Variants in MECR observed in about 807,000 individuals in gnomAD.
MECR encodes the protein mitochondrial trans-2-enoyl-CoA reductase, also known as enoyl-[acyl-carrier-protein] reductase, mitochondrial.
Under a neutral mutation model 49.1 loss-of-function variants are expected in MECR, and 37 were observed. The ratio of observed to expected loss-of-function variants is 0.75; its 90% confidence interval spans 0.58 to 0.99. The LOEUF (loss-of-function observed/expected upper bound fraction) is 0.99, where lower values mean the gene tolerates loss of function less well. MECR is among the 50% of genes least tolerant of loss of function. The pLI is 0.00. For synonymous variants in MECR, 198 were observed against 191.1 expected (o/e 1.04, Z -0.30); for missense variants, 470 against 479.6 (o/e 0.98, Z 0.19).
chr1:29,195,657 G>C (rs1673790347), intron 9 of MECR, among the ~76,000 whole-genome samples: 1 of 152,218 alleles, frequency 6.6e-6, no homozygotes, highest in African/African-American at 2.4e-5. Flanking sequence ...ACCCAGGCAG[G>C]CTGGCTCCAG....
the MECR span, among the ~76,000 whole-genome samples, chr1:29,180,042 T>C: frequency 1.8e-4 from 28 of 152,256 alleles, no homozygotes; most frequent in Admixed American, 2.6e-4. Flanking sequence ...CCTCTGATTA[T>C]AGCTGCCACT....
intron 1 of MECR, among the ~76,000 whole-genome samples, chr1:29,222,663 C>T (rs901565252): frequency 6.6e-6 from 1 of 152,196 alleles, no homozygotes; most frequent in Non-Finnish European, 1.5e-5. Flanking sequence ...GGAAGCCCAG[C>T]AGCTCTGCCA....
At chr1:29,181,553 C>T in the MECR span, 14 of 1,144,092 alleles carry the variant, frequency 1.2e-5, no homozygotes, top group Middle Eastern at 2.1e-4. Flanking sequence ...AGCCGCTCCG[C>T]GCGGACCAGG....
At chr1:29,179,848 C>G in the MECR span, among the ~76,000 whole-genome samples, 1 of 152,166 alleles carries the variant, frequency 6.6e-6, no homozygotes, top group African/African-American at 2.4e-5. Flanking sequence ...CCTCCTCCCC[C>G]AATTCATTTA....
chr1:29,208,931 C>T (rs1462758957), intron 3 of MECR, among the ~76,000 whole-genome samples: 1 of 152,198 alleles, frequency 6.6e-6, no homozygotes, highest in Admixed American at 6.5e-5. Context: ...AGAGGTGCTA[C>T]CGTCTCAGAG....
At chr1:29,214,500 T>C (rs1383103207) in intron 3 of MECR, among the ~76,000 whole-genome samples, 1 of 151,818 alleles carries the variant, frequency 6.6e-6, no homozygotes, top group Non-Finnish European at 1.5e-5. Flanking sequence ...TAGCTGTGAC[T>C]ACAGACGCAT....
intron 3 of MECR, among the ~76,000 whole-genome samples, chr1:29,215,249 C>T (rs12033768): frequency 0.12 from 17,509 of 152,154 alleles, 1,368 homozygotes; most frequent in East Asian, 0.41. Context: ...ATTTTACATC[C>T]TCCACATGAA....
the MECR span, among the ~76,000 whole-genome samples, chr1:29,181,071 G>A: frequency 3.9e-5 from 6 of 152,178 alleles, no homozygotes; most frequent in African/African-American, 1.4e-4. Context: ...TTTCAGCACG[G>A]CAAGACGATA....
At chr1:29,179,996 T>C in the MECR span, among the ~76,000 whole-genome samples, 1 of 152,214 alleles carries the variant, frequency 6.6e-6, no homozygotes, top group African/African-American at 2.4e-5. Context: ...ACGCTTTATG[T>C]TATCAAACAC....
In MECR at chr1:29,203,151, G is replaced by A; in HGVS notation, c.633C>T (p.Thr211=). 6.3e-7 allele frequency: 1 copy of A among 1,580,370 alleles called. No homozygotes were observed. ...IQIAAALGLR[T]INVVRDRPDI... The stretch of plus-strand genomic sequence containing the variant: ...CGCACCTGTCTCGGACCACATTGAT[G>A]GTTCTTAGGCCCAGGGCTGCGGCGA... The change falls in exon 5 of 10, where the codon ACC becomes ACT. Residue 211 remains threonine (T), a synonymous_variant. Coordinates refer to ENST00000263702, the MANE Select transcript of MECR (RefSeq NM_016011.5).
chr1:29,220,873 T>C (rs1680601292), intron 1 of MECR: 2 of 976,580 alleles, frequency 2.0e-6, no homozygotes, highest in Non-Finnish European at 2.4e-6. Flanking sequence ...CTGTTATCAG[T>C]TGTAGGAATA....
intron 3 of MECR, among the ~76,000 whole-genome samples, chr1:29,211,972 T>C (rs763839592): frequency 2.0e-5 from 3 of 152,232 alleles, no homozygotes; most frequent in Non-Finnish European, 4.4e-5. Context: ...ATGGCAGTCT[T>C]CACGAGAAGA....
intron 5 of MECR, among the ~76,000 whole-genome samples, chr1:29,202,269 C>A (rs574038605): frequency 6.6e-6 from 1 of 152,312 alleles, no homozygotes; most frequent in Non-Finnish European, 1.5e-5. Context: ...GTGGTTTTCA[C>A]AGGCCCTGAC....
chr1:29,226,137 C>G (rs748671558), intron 1 of MECR, among the ~76,000 whole-genome samples: 25 of 146,178 alleles, frequency 1.7e-4, no homozygotes, highest in Non-Finnish European at 3.1e-4. Flanking sequence ...CCACTGCACT[C>G]CAGCCTGGGG....
chr1:29,188,590 G>GAAGCTGCAGGGCTTCAGGTGCGCTCA (rs1673069721), downstream of MECR, among the ~76,000 whole-genome samples: 1 of 152,062 alleles, frequency 6.6e-6, no homozygotes, highest in South Asian at 2.1e-4. Context: ...GCAGAGTCAG[G>GAAGCTGCAGGGCTTCAGGTGCGCTCA]AAGCTGCAGG....
At chr1:29,214,799 G>A (rs1338772026) in intron 3 of MECR, among the ~76,000 whole-genome samples, 1 of 152,206 alleles carries the variant, frequency 6.6e-6, no homozygotes, top group Non-Finnish European at 1.5e-5. Flanking sequence ...CTTTGGGCCA[G>A]GGCTTTACTT....
At chr1:29,220,898 T>C (rs764932017) in intron 1 of MECR, 3 of 985,164 alleles carry the variant, frequency 3.0e-6, no homozygotes, top group African/African-American at 1.7e-5. Flanking sequence ...AGGAAACCTC[T>C]GGAACAATTC....
chr1:29,223,256 T>C (rs984605191), intron 1 of MECR: 10 of 985,148 alleles, frequency 1.0e-5, no homozygotes, highest in Non-Finnish European at 1.2e-5. Flanking sequence ...GCCAAGGCTG[T>C]ACACCTGTGA....
chr1:29,180,125 CA>C, the MECR span, among the ~76,000 whole-genome samples: 4 of 152,336 alleles, frequency 2.6e-5, no homozygotes, highest in Non-Finnish European at 4.4e-5. Flanking sequence ...CAACCAGGTT[CA>C]GAGAAGTAAC....
Sources: allele counts gnomAD v4.1 joint callset (sites outside exome capture counted in the v4.1 genomes callset), GRCh38; gene constraint gnomAD v4.1.1; transcripts MANE v1.5; gene names NCBI Gene and HGNC (gene_info 2026-07-23, HGNC 2026-07-21).